Variants in ADAM23 observed in about 807,000 individuals in gnomAD.
ADAM23 encodes ADAM metallopeptidase domain 23.
A neutral mutation model predicts 120.1 loss-of-function variants in ADAM23; 33 were observed. That is an observed-to-expected ratio of 0.27 (90% CI 0.21 to 0.37). ADAM23 has a LOEUF of 0.37. Among genes scored for constraint, ADAM23 ranks in the 10% least tolerant of loss-of-function variants. ADAM23 has a pLI of 1.00. For missense variants in ADAM23, 862 were observed against 1,058.2 expected (o/e 0.81, Z 2.57); for synonymous variants, 367 against 375.2 (o/e 0.98, Z 0.25).
At chr2:206,467,012 T>C (rs1286708603) in intron 2 of ADAM23, among the ~76,000 whole-genome samples, 1 of 150,086 alleles carries the variant, frequency 6.7e-6, no homozygotes, top group Admixed American at 6.6e-5. Context: ...TAACAACAAC[T>C]CCAGTGGGAA....
At chr2:206,501,396 T>A (rs1256866215) in intron 3 of ADAM23, among the ~76,000 whole-genome samples, 2 of 152,068 alleles carry the variant, frequency 1.3e-5, no homozygotes, top group African/African-American at 4.8e-5. Context: ...ATTTTTGCAC[T>A]TAAAGCAACT....
intron 18 of ADAM23, among the ~76,000 whole-genome samples, chr2:206,573,663 A>C (rs537512046): frequency 6.6e-6 from 1 of 152,184 alleles, no homozygotes; most frequent in Admixed American, 6.5e-5. Context: ...GACATTGAAA[A>C]AATAATATGT....
At chr2:206,591,197 C>T (rs1452678188) in intron 21 of ADAM23, among the ~76,000 whole-genome samples, 1 of 151,706 alleles carries the variant, frequency 6.6e-6, no homozygotes, top group African/African-American at 2.4e-5. Flanking sequence ...AATGTATAAA[C>T]ATAAAAATAA....
At chr2:206,545,454 C>A (rs1697377480) in intron 6 of ADAM23, among the ~76,000 whole-genome samples, 1 of 152,104 alleles carries the variant, frequency 6.6e-6, no homozygotes, top group African/African-American at 2.4e-5. Context: ...CCTTTGCACT[C>A]CAGCCTGGGC....
intron 2 of ADAM23, among the ~76,000 whole-genome samples, chr2:206,471,668 T>G (rs1212829427): frequency 6.6e-6 from 1 of 152,196 alleles, no homozygotes; most frequent in Admixed American, 6.6e-5. Context: ...CAAAATATGT[T>G]CTTGCTTTAT....
chr2:206,504,028 G>C (rs1380320749), intron 3 of ADAM23, among the ~76,000 whole-genome samples: 1 of 151,958 alleles, frequency 6.6e-6, no homozygotes, highest in Non-Finnish European at 1.5e-5. Context: ...ACATTAAGTA[G>C]GTTTTCCAGG....
chr2:206,602,539 G>C (rs1698657888), intron 24 of ADAM23, among the ~76,000 whole-genome samples: 1 of 152,072 alleles, frequency 6.6e-6, no homozygotes, highest in South Asian at 2.1e-4. Flanking sequence ...TTGGTCCATG[G>C]AATACAAATG....
intron 3 of ADAM23, among the ~76,000 whole-genome samples, chr2:206,499,327 G>A (rs1696330502): frequency 6.6e-6 from 1 of 151,412 alleles, no homozygotes; most frequent in Non-Finnish European, 1.5e-5. Context: ...AAAAGGATGA[G>A]TTCATGTCCT....
rs577317636 is a variant in ADAM23 at position 206,461,417 on chromosome 2, A to G, written c.432+15893A>G. Among the ~76,000 whole-genome samples, 9 of 152,288 alleles carry G rather than the reference A, an allele frequency of 5.9e-5. No individual in the cohort carries two copies. The South Asian group carries it at 1.7e-3, about 28-fold the overall frequency. ...ATTTTATCTCATAAGTTTCTTTAAAAGGGAGACCAGACTATGAGTAGAATA... is the reference window on the plus strand; with the variant it reads ...ATTTTATCTCATAAGTTTCTTTAAAGGGGAGACCAGACTATGAGTAGAATA... On this transcript the variant is annotated intron_variant, in intron 2 of 25. Coordinates refer to ENST00000264377, the MANE Select transcript of ADAM23 (RefSeq NM_003812.4).
chr2:206,508,919 G>A (rs776320723), intron 3 of ADAM23, among the ~76,000 whole-genome samples: 4 of 152,032 alleles, frequency 2.6e-5, no homozygotes, highest in African/African-American at 4.8e-5. Flanking sequence ...CTCTGAGATC[G>A]CTGGCAAAGT....
chr2:206,530,951 A>G lies in ADAM23; in HGVS notation c.573+3A>G. On this transcript the variant is annotated splice_donor_region_variant and intron_variant, in intron 4 of 25. Coordinates refer to ENST00000264377, the MANE Select transcript of ADAM23 (RefSeq NM_003812.4). ...ATGGGAAACCACAGTACTCTAAGGT[A>G]CGGTTACCGGCGTCGGCAAGTACTC... 2 of 1,613,430 alleles carry G rather than the reference A, an allele frequency of 1.2e-6. No individual in the cohort carries two copies. Among genetic ancestry groups the G allele is most frequent in the Non-Finnish European group, 1.7e-6 (2 of 1,179,534 alleles).
intron 18 of ADAM23, among the ~76,000 whole-genome samples, chr2:206,577,484 T>C (rs1040476381): frequency 8.5e-5 from 12 of 141,644 alleles, no homozygotes; most frequent in Admixed American, 2.2e-4. Flanking sequence ...CATTGTTCAG[T>C]TCCCACCTAT....
chr2:206,478,750 A>T (rs554476758), intron 2 of ADAM23, among the ~76,000 whole-genome samples: 6 of 152,306 alleles, frequency 3.9e-5, no homozygotes, highest in African/African-American at 7.2e-5. Flanking sequence ...TTCATTTTTT[A>T]AAAAATTTAA....
intron 24 of ADAM23, among the ~76,000 whole-genome samples, chr2:206,605,572 T>C (rs1167614752): frequency 6.6e-6 from 1 of 152,264 alleles, no homozygotes; most frequent in Non-Finnish European, 1.5e-5. Flanking sequence ...AAGATAATTA[T>C]GTTTTTTAAA....
chr2:206,529,768 T>C (rs574894308), intron 3 of ADAM23, among the ~76,000 whole-genome samples: 5 of 152,266 alleles, frequency 3.3e-5, no homozygotes, highest in African/African-American at 1.2e-4. Context: ...TCTTAACTTG[T>C]ACAGTCTGCA....
At chr2:206,562,002 G>A (rs990654869) in intron 12 of ADAM23, among the ~76,000 whole-genome samples, 1 of 152,198 alleles carries the variant, frequency 6.6e-6, no homozygotes, top group Non-Finnish European at 1.5e-5. Context: ...CAAATTCTGA[G>A]AGATATCACA....
At chr2:206,492,173 G>A (rs1168241146) in intron 3 of ADAM23, among the ~76,000 whole-genome samples, 1 of 152,178 alleles carries the variant, frequency 6.6e-6, no homozygotes, top group Non-Finnish European at 1.5e-5. Context: ...ATCCCACATA[G>A]GAGGGGTACC....
At chr2:206,576,038 T>A (rs762958003) in intron 18 of ADAM23, among the ~76,000 whole-genome samples, 1 of 152,168 alleles carries the variant, frequency 6.6e-6, no homozygotes, top group Non-Finnish European at 1.5e-5. Flanking sequence ...CTTAAAGAAA[T>A]GGTACAGTGA....
At chr2:206,503,746 T>G (rs1696437520) in intron 3 of ADAM23, among the ~76,000 whole-genome samples, 1 of 152,214 alleles carries the variant, frequency 6.6e-6, no homozygotes, top group African/African-American at 2.4e-5. Context: ...CTGTCATAAG[T>G]CAATTCTGAT....
Sources: allele counts gnomAD v4.1 joint callset (sites outside exome capture counted in the v4.1 genomes callset), GRCh38; gene constraint gnomAD v4.1.1; transcripts MANE v1.5; gene names NCBI Gene and HGNC (gene_info 2026-07-23, HGNC 2026-07-21).